Variants in OXR1 observed in about 807,000 individuals in gnomAD.
The protein encoded by OXR1 is oxidation resistance protein 1.
A neutral mutation model predicts 104.6 loss-of-function variants in OXR1; 41 were observed. The ratio of observed to expected loss-of-function variants is 0.39; its 90% CI spans 0.31 to 0.51. The LOEUF is 0.51. Ranked by LOEUF, OXR1 falls within the 20% of genes least tolerant of loss-of-function variation. OXR1 has a pLI of 0.77. For missense variants in OXR1, 955 were observed against 1,031.9 expected (o/e 0.93, Z 1.02); for synonymous variants, 348 against 348.4 (o/e 1.00, Z 0.01).
At chr8:106,445,913 T>G (rs1446341087) in intron 2 of OXR1, among the ~76,000 whole-genome samples, 2 of 152,176 alleles carry the variant, frequency 1.3e-5, no homozygotes, top group East Asian at 3.9e-4. Context: ...TTGACTTTAA[T>G]TTCGCCTGGG....
intron 3 of OXR1, among the ~76,000 whole-genome samples, chr8:106,618,658 C>T (rs899231707): frequency 1.3e-5 from 2 of 152,138 alleles, no homozygotes; most frequent in South Asian, 2.1e-4. Flanking sequence ...CAAAAATTGT[C>T]CCTAACTCGG....
At chr8:106,397,650 G>GA (rs1563754057) in intron 2 of OXR1, among the ~76,000 whole-genome samples, 1 of 151,706 alleles carries the variant, frequency 6.6e-6, no homozygotes, top group South Asian at 2.1e-4. Context: ...TTCTGCCCTT[G>GA]AAAAAAATCT....
At chr8:106,690,574 G>A (rs1202004453) in intron 6 of OXR1, among the ~76,000 whole-genome samples, 2 of 149,552 alleles carry the variant, frequency 1.3e-5, no homozygotes, top group South Asian at 4.2e-4. Context: ...TACTAGATGA[G>A]AGTTTTTTTT....
At chr8:106,560,487 C>G (rs1014081074) in intron 3 of OXR1, among the ~76,000 whole-genome samples, 4 of 152,132 alleles carry the variant, frequency 2.6e-5, no homozygotes, top group African/African-American at 7.2e-5. Context: ...GATGTAGTTC[C>G]CATCCTGAAC....
chr8:106,485,027 T>C (rs553729440), intron 2 of OXR1, among the ~76,000 whole-genome samples: 147 of 143,286 alleles, frequency 1.0e-3, no homozygotes, highest in African/African-American at 3.6e-3. Context: ...CATGAAAAGA[T>C]AGGGAGGAAA....
intron 3 of OXR1, among the ~76,000 whole-genome samples, chr8:106,661,466 A>T (rs977824864): frequency 6.6e-6 from 1 of 152,216 alleles, no homozygotes; most frequent in African/African-American, 2.4e-5. Context: ...TTCCTGATTA[A>T]CGGGTACATT....
At chr8:106,707,252 G>T (rs1414602521) in intron 9 of OXR1, 107 bp downstream of exon 9, 1 of 903,130 alleles carries the variant, frequency 1.1e-6, no homozygotes, top group Non-Finnish European at 1.8e-6. Flanking sequence ...TGAAGGATAA[G>T]TGAGTGACCC....
chr8:106,594,796 G>A (rs895897127), intron 3 of OXR1, among the ~76,000 whole-genome samples: 2 of 152,262 alleles, frequency 1.3e-5, no homozygotes, highest in African/African-American at 4.8e-5. Flanking sequence ...AACCAGAGCC[G>A]GGCTCTCCTC....
chr8:106,467,712 A>G (rs1375057553), intron 2 of OXR1, among the ~76,000 whole-genome samples: 1 of 151,906 alleles, frequency 6.6e-6, no homozygotes, highest in East Asian at 1.9e-4. Context: ...CCTTACTTAC[A>G]TGCTTTGCAC....
intron 2 of OXR1, among the ~76,000 whole-genome samples, chr8:106,485,874 A>C (rs1002131024): frequency 6.6e-6 from 1 of 151,748 alleles, no homozygotes; most frequent in African/African-American, 2.4e-5. Flanking sequence ...ACAAATTTGC[A>C]CAGTGTCACT....
chr8:106,692,007 A>G (rs1247568640), intron 6 of OXR1, among the ~76,000 whole-genome samples: 2 of 150,576 alleles, frequency 1.3e-5, no homozygotes, highest in African/African-American at 4.9e-5. Flanking sequence ...ACACACACAT[A>G]TATATATACA....
At chr8:106,305,887 C>G (rs908240969) in intron 1 of OXR1, among the ~76,000 whole-genome samples, 1 of 152,070 alleles carries the variant, frequency 6.6e-6, no homozygotes, top group South Asian at 2.1e-4. Flanking sequence ...CAGTTTTATA[C>G]TAGAGAAAAA....
chr8:106,294,412 A>AAAAAAAAG (rs71307051), intron 1 of OXR1, among the ~76,000 whole-genome samples: 30 of 131,436 alleles, frequency 2.3e-4, no homozygotes, highest in East Asian at 7.3e-4. Context: ...AAAAAAAAAA[A>AAAAAAAAG]AAAGAAAGAA....
At chr8:106,655,187 G>A (rs1040162321) in intron 3 of OXR1, among the ~76,000 whole-genome samples, 1 of 152,102 alleles carries the variant, frequency 6.6e-6, no homozygotes, top group Non-Finnish European at 1.5e-5. Context: ...TGTGGTGATG[G>A]AAATGCTCAG....
At chr8:106,491,365 TACAG>T (rs1246871833) in intron 2 of OXR1, among the ~76,000 whole-genome samples, 3 of 152,256 alleles carry the variant, frequency 2.0e-5, no homozygotes, top group Non-Finnish European at 4.4e-5. Context: ...TTCATTTGCC[TACAG>T]ACAAACACAT....
At chr8:106,493,234 T>A (rs987647) in intron 2 of OXR1, among the ~76,000 whole-genome samples, 16,226 of 152,222 alleles carry the variant, frequency 0.11, 942 homozygotes, top group African/African-American at 0.14. Context: ...AGAACCATAT[T>A]GCTTGACATG....
intron 1 of OXR1, among the ~76,000 whole-genome samples, chr8:106,299,835 A>AC (rs1446264084): frequency 3.3e-5 from 5 of 152,044 alleles, no homozygotes; most frequent in African/African-American, 1.2e-4. Flanking sequence ...TTTAGATAAA[A>AC]AACACATTGA....
At chr8:106,523,926 C>G (rs1813450070) in intron 3 of OXR1, among the ~76,000 whole-genome samples, 1 of 152,082 alleles carries the variant, frequency 6.6e-6, no homozygotes, top group Non-Finnish European at 1.5e-5. Context: ...AGGCGCCCAC[C>G]ACCATGCCTG....
chr8:106,710,685 G>GAAAACC lies in OXR1; in HGVS notation c.1691_1696dup (p.Lys564_Pro565dup). 1 of 1,604,008 alleles carries GAAAACC rather than the reference G, an allele frequency of 6.2e-7. No individual in the cohort carries two copies. The highest frequency in any genetic ancestry group is 1.7e-5 in the Admixed American group (1 of 58,760). On this transcript the variant is annotated inframe_insertion, in exon 10 of 17. Coordinates refer to ENST00000517566, the MANE Select transcript of OXR1 (RefSeq NM_001198533.2). Reference sequence around the variant, plus strand: ...CATAAGTTCTTGTGTCTCAGAGTTGGAAAACCAATGAGGAAAACGTTTGTA... The same window carrying GAAAACC: ...CATAAGTTCTTGTGTCTCAGAGTTGGAAAACCAAAACCAATGAGGAAAACGTTTGTA...
Sources: gnomAD v4.1 joint callset for allele counts (sites outside exome capture counted in the v4.1 genomes callset) on GRCh38, gnomAD v4.1.1 for gene constraint, MANE v1.5 for transcripts, NCBI Gene and HGNC (gene_info 2026-07-23, HGNC 2026-07-21) for gene names.